ANK3: variants seen among roughly 807,000 people sequenced by gnomAD.
The protein encoded by ANK3 is ankyrin 3.
In ANK3, 57 loss-of-function variants were observed where a neutral mutation model predicts 370.9. That is an observed-to-expected ratio of 0.15 (90% CI 0.12 to 0.19). ANK3 has a LOEUF of 0.19. Ranked by LOEUF, ANK3 falls within the 10% of genes least tolerant of loss-of-function variation. The pLI is 1.00. For missense variants in ANK3, 4,439 were observed against 5,302.1 expected (o/e 0.84, Z 5.06); for synonymous variants, 1,929 against 1,946.3 (o/e 0.99, Z 0.23).
intron 1 of ANK3, among the ~76,000 whole-genome samples, chr10:60,288,036 A>C (rs963303076): frequency 4.6e-5 from 7 of 152,202 alleles, no homozygotes; most frequent in South Asian, 2.1e-4. Context: ...AGCCTGAAAC[A>C]AAACATGAAT....
At chr10:60,226,337 T>TAGTATAATATAGTATAACA (rs2097141676) in intron 8 of ANK3, among the ~76,000 whole-genome samples, 4 of 67,118 alleles carry the variant, frequency 6.0e-5, no homozygotes, top group East Asian at 1.5e-3. Context: ...ATATACTATA[T>TAGTATAATATAGTATAACA]TATATAGTAT....
At chr10:60,300,039 C>T (rs746429011) in intron 1 of ANK3, among the ~76,000 whole-genome samples, 9 of 150,648 alleles carry the variant, frequency 6.0e-5, no homozygotes, top group Admixed American at 2.0e-4. Context: ...TAATCGCCCC[C>T]TGTCTTTTTG....
chr10:60,293,667 C>T (rs1037354721), intron 1 of ANK3, among the ~76,000 whole-genome samples: 5 of 152,204 alleles, frequency 3.3e-5, no homozygotes, highest in South Asian at 4.2e-4. Context: ...TAAAAATGAC[C>T]GACAACTTTG....
intron 17 of ANK3, among the ~76,000 whole-genome samples, chr10:60,181,705 C>G (rs1362308295): frequency 6.6e-6 from 1 of 151,992 alleles, no homozygotes; most frequent in Non-Finnish European, 1.5e-5. Context: ...ACTTGGGAGG[C>G]TAAGGCAGGA....
intron 2 of ANK3, among the ~76,000 whole-genome samples, chr10:60,592,963 C>T (rs1283528971): frequency 6.6e-6 from 1 of 152,098 alleles, no homozygotes; most frequent in African/African-American, 2.4e-5. Context: ...TTTCCAAAGG[C>T]CCATATCCTG....
intron 2 of ANK3, among the ~76,000 whole-genome samples, chr10:60,481,443 A>AT (rs2075212977): frequency 6.6e-6 from 1 of 151,284 alleles, no homozygotes; most frequent in African/African-American, 2.4e-5. Flanking sequence ...CGTAGTTCCT[A>AT]TTGGCTATGA....
chr10:60,498,662 A>T (rs2075720176), intron 2 of ANK3, among the ~76,000 whole-genome samples: 1 of 152,184 alleles, frequency 6.6e-6, no homozygotes, highest in Non-Finnish European at 1.5e-5. Flanking sequence ...AAGTGCTGGG[A>T]TTACTGCCTT....
At chr10:60,715,554 A>G (rs1003393349) in intron 1 of ANK3, among the ~76,000 whole-genome samples, 1 of 152,178 alleles carries the variant, frequency 6.6e-6, no homozygotes. Context: ...AATTTAAACA[A>G]AAGCACAGAG....
chr10:60,534,755 G>C (rs1174955387), intron 2 of ANK3, among the ~76,000 whole-genome samples: 1 of 152,128 alleles, frequency 6.6e-6, no homozygotes, highest in African/African-American at 2.4e-5. Context: ...CCATAAGCCA[G>C]CTGTAACAGT....
intron 2 of ANK3, among the ~76,000 whole-genome samples, chr10:60,435,853 A>G (rs1462179172): frequency 1.3e-5 from 2 of 152,078 alleles, no homozygotes; most frequent in Non-Finnish European, 2.9e-5. Context: ...TAATCCCAGC[A>G]CTTTGGGAGG....
At chr10:60,472,019 G>A (rs2065231774) in intron 2 of ANK3, among the ~76,000 whole-genome samples, 1 of 152,032 alleles carries the variant, frequency 6.6e-6, no homozygotes, top group South Asian at 2.1e-4. Flanking sequence ...TTTATTTCGG[G>A]GAAATTTAAT....
Position 60,653,393 on chromosome 10 carries a change from A to G in ANK3, c.58-38169T>C, listed in dbSNP as rs558907599. Among the ~76,000 whole-genome samples, 368 of 152,122 alleles carry G rather than the reference A, an allele frequency of 2.4e-3. 3 individuals carry two copies. The highest frequency in any genetic ancestry group is 8.6e-3 in the African/African-American group (357 of 41,504). On this transcript the variant is annotated intron_variant, in intron 1 of 43. Transcript: ENST00000373827. ...CATACAGATTTCCCGTTGTTCCAGTAGTATTTTTTTAAAAGACTTTTATTC... is the reference window on the plus strand; with the variant it reads ...CATACAGATTTCCCGTTGTTCCAGTGGTATTTTTTTAAAAGACTTTTATTC...
chr10:60,383,480 C>A (rs946742826), intron 1 of ANK3, among the ~76,000 whole-genome samples: 2 of 152,154 alleles, frequency 1.3e-5, no homozygotes, highest in African/African-American at 4.8e-5. Flanking sequence ...GACAACCTTA[C>A]TCTATAGTTC....
intron 2 of ANK3, among the ~76,000 whole-genome samples, chr10:60,614,624 T>G (rs1277590868): frequency 6.6e-6 from 1 of 152,192 alleles, no homozygotes; most frequent in Admixed American, 6.5e-5. Context: ...AAAGGTAGCC[T>G]GCATAGCCCA....
At chr10:60,555,676 A>G (rs1185283578) in intron 2 of ANK3, among the ~76,000 whole-genome samples, 1 of 152,102 alleles carries the variant, frequency 6.6e-6, no homozygotes, top group African/African-American at 2.4e-5. Context: ...ACTAGAAAGT[A>G]CCCCATGGAG....
chr10:60,044,688 C>T (rs1006653139), intron 42 of ANK3: 2 of 152,184 alleles, frequency 1.3e-5, no homozygotes, highest in East Asian at 3.9e-4. Flanking sequence ...CTGATTAGAT[C>T]GTCTCACTTT....
chr10:60,183,210 T>C (rs2096245555), intron 17 of ANK3, among the ~76,000 whole-genome samples: 1 of 152,226 alleles, frequency 6.6e-6, no homozygotes, highest in Admixed American at 6.5e-5. Context: ...AAACCTACTA[T>C]GTGCTCACTT....
intron 1 of ANK3, among the ~76,000 whole-genome samples, chr10:60,710,157 A>G (rs2079683464): frequency 6.6e-6 from 1 of 152,188 alleles, no homozygotes; most frequent in Admixed American, 6.5e-5. Context: ...ACTATAAGAG[A>G]GCACTTTTTA....
At position 60,073,639 on chromosome 10, in the gene ANK3, A is replaced by G. The variant is rs766386729; in HGVS notation, c.7242T>C (p.Thr2414=). 16 of 1,613,792 alleles carry G rather than the reference A, an allele frequency of 9.9e-6. No individual in the cohort carries two copies. The highest frequency in any genetic ancestry group is 1.7e-5 in the Admixed American group (1 of 59,950). The change falls in exon 37 of 44, where the codon ACT becomes ACC. Residue 2414 remains threonine, a synonymous_variant. Transcript: ENST00000280772. The stretch of plus-strand genomic sequence containing the variant: ...GGCTATCTTCTTCTTGGGACACAGG[A>G]GTGTTTACTCTGGAAGACTCCAGAT... ...PSYLESSRVN[T]PVSQEEDSRP...
Sources: gnomAD v4.1 joint callset for allele counts (sites outside exome capture counted in the v4.1 genomes callset) on GRCh38, gnomAD v4.1.1 for gene constraint, MANE v1.5 for transcripts, NCBI Gene and HGNC (gene_info 2026-07-23, HGNC 2026-07-21) for gene names.